GALNT13: variants seen among roughly 807,000 people sequenced by gnomAD.
GALNT13 encodes the protein UDP-GalNAc:polypeptide N-acetylgalactosaminyltransferase 13.
Under a neutral mutation model 64.2 loss-of-function variants are expected in GALNT13, and 28 were observed. The observed-to-expected ratio is 0.44, with a 90% confidence interval of 0.32 to 0.60. GALNT13 has a LOEUF of 0.60. Ranked by LOEUF, GALNT13 falls within the 20% of genes least tolerant of loss-of-function variation. The probability of loss-of-function intolerance (pLI) is 0.05; values close to 1 mark genes in which losing one functional copy is unlikely to be tolerated. For missense variants in GALNT13, 577 were observed against 669.8 expected (o/e 0.86, Z 1.53); for synonymous variants, 214 against 224.6 (o/e 0.95, Z 0.42).
the GALNT13 span, among the ~76,000 whole-genome samples, chr2:153,456,101 A>C: frequency 6.6e-6 from 1 of 152,106 alleles, no homozygotes. Flanking sequence ...TGGAATTTTT[A>C]TAGACACATG....
the GALNT13 span, among the ~76,000 whole-genome samples, chr2:153,189,769 T>C: frequency 6.6e-6 from 1 of 152,150 alleles, no homozygotes; most frequent in Non-Finnish European, 1.5e-5. Context: ...TCTGTTACTT[T>C]TGATCTTTTT....
intron 3 of GALNT13, among the ~76,000 whole-genome samples, chr2:154,040,939 G>T (rs1348743485): frequency 7.2e-6 from 1 of 139,536 alleles, no homozygotes. Flanking sequence ...CTTTTAAAGA[G>T]AACATCTGTT....
chr2:153,304,319 C>T, the GALNT13 span, among the ~76,000 whole-genome samples: 1 of 152,076 alleles, frequency 6.6e-6, no homozygotes, highest in African/African-American at 2.4e-5. Flanking sequence ...TCTGCTGAGC[C>T]TGCAGATTCC....
the GALNT13 span, among the ~76,000 whole-genome samples, chr2:153,403,239 C>T: frequency 1.3e-5 from 2 of 150,560 alleles, no homozygotes; most frequent in East Asian, 2.0e-4. Context: ...TTAGGCTGCT[C>T]GGGGGTCAGG....
At chr2:153,246,787 A>C in the GALNT13 span, among the ~76,000 whole-genome samples, 1 of 152,238 alleles carries the variant, frequency 6.6e-6, no homozygotes, top group Non-Finnish European at 1.5e-5. Flanking sequence ...GATCAAATTC[A>C]TACATAACAA....
At chr2:153,081,155 A>G in the GALNT13 span, among the ~76,000 whole-genome samples, 1 of 152,212 alleles carries the variant, frequency 6.6e-6, no homozygotes, top group East Asian at 1.9e-4. Flanking sequence ...ATTTCACTAT[A>G]TGGTATATAC....
the GALNT13 span, among the ~76,000 whole-genome samples, chr2:153,713,398 C>T: frequency 2.6e-5 from 4 of 152,280 alleles, no homozygotes; most frequent in Middle Eastern, 3.4e-3. Flanking sequence ...TTCCTTCCTC[C>T]TCACTGATGT....
the GALNT13 span, among the ~76,000 whole-genome samples, chr2:153,391,895 A>T: frequency 6.6e-6 from 1 of 151,122 alleles, no homozygotes; most frequent in Admixed American, 6.6e-5. Flanking sequence ...ATGCCGTCCA[A>T]CTAAATGGAA....
chr2:154,221,752 G>T (rs889730756), intron 4 of GALNT13, among the ~76,000 whole-genome samples: 1 of 152,000 alleles, frequency 6.6e-6, no homozygotes, highest in Non-Finnish European at 1.5e-5. Flanking sequence ...TTCTCTTTTA[G>T]AGCACAGCAA....
the GALNT13 span, among the ~76,000 whole-genome samples, chr2:153,851,313 AG>A: frequency 2.9e-4 from 44 of 152,226 alleles, no homozygotes; most frequent in African/African-American, 9.4e-4. Flanking sequence ...TCAAAAAAGT[AG>A]GCAAAATAAG....
chr2:153,202,016 C>T, the GALNT13 span, among the ~76,000 whole-genome samples: 1 of 133,640 alleles, frequency 7.5e-6, no homozygotes, highest in African/African-American at 2.7e-5. Flanking sequence ...TTCGCTCTGT[C>T]GCCCAGGCCG....
chr2:154,184,405 G>T (rs1686137645), intron 4 of GALNT13, among the ~76,000 whole-genome samples: 1 of 152,016 alleles, frequency 6.6e-6, no homozygotes, highest in South Asian at 2.1e-4. Context: ...ATTATTGATT[G>T]AGAAGGATTT....
chr2:153,993,964 A>T (rs1428744479), intron 3 of GALNT13, among the ~76,000 whole-genome samples: 1 of 151,998 alleles, frequency 6.6e-6, no homozygotes, highest in Non-Finnish European at 1.5e-5. Flanking sequence ...TGTGTACAAC[A>T]TGCAGGTTTG....
the GALNT13 span, among the ~76,000 whole-genome samples, chr2:153,295,557 T>C: frequency 6.7e-6 from 1 of 149,836 alleles, no homozygotes; most frequent in Non-Finnish European, 1.5e-5. Context: ...AATCCTGTGC[T>C]CCACCTCAGA....
chr2:154,258,754 A>G lies in GALNT13; in HGVS notation c.858-267A>G, dbSNP rs112468491. ...CTATGATTTTCAGAGGGAATATAGA[A>G]GTACCAGTCTTCCATGGCCAGTGTC... On this transcript the variant is annotated intron_variant, in intron 7 of 12. Coordinates refer to ENST00000392825, the MANE Select transcript of GALNT13 (RefSeq NM_052917.4). Among the ~76,000 whole-genome samples the G allele has an allele frequency of 4.1e-3, 621 of 152,046 alleles. 7 individuals are homozygous for G. The highest frequency in any genetic ancestry group is 0.014 in the African/African-American group (589 of 41,502).
chr2:153,539,832 C>T, the GALNT13 span, among the ~76,000 whole-genome samples: 783 of 152,140 alleles, frequency 5.1e-3, 10 homozygotes, highest in African/African-American at 0.018. Context: ...AGTGTGATGC[C>T]TCCAGCTTTG....
At position 154,225,066 on chromosome 2, in the gene GALNT13, G is replaced by T. The variant is rs113449073; in HGVS notation, c.312-16964G>T. Among the ~76,000 whole-genome samples, 1,020 of 151,296 alleles carry T rather than the reference G, an allele frequency of 6.7e-3. 9 individuals are homozygous for T. The highest frequency in any genetic ancestry group is 0.024 in the African/African-American group (986 of 41,212). ...AAAACCCTCCAACACAATAATGAAT[G>T]AAAGACTAGAAAGGACATTCACAAC... On this transcript the variant is annotated intron_variant, in intron 4 of 12. Transcript: ENST00000392825.
At chr2:153,125,408 G>T in the GALNT13 span, among the ~76,000 whole-genome samples, 8 of 152,166 alleles carry the variant, frequency 5.3e-5, no homozygotes, top group African/African-American at 1.9e-4. Flanking sequence ...GGACAAAAGC[G>T]ATGTCTTTTA....
chr2:154,098,924 T>C (rs1702207912), intron 3 of GALNT13, among the ~76,000 whole-genome samples: 1 of 152,014 alleles, frequency 6.6e-6, no homozygotes, highest in Admixed American at 6.6e-5. Context: ...TTTTTTCCTT[T>C]GGGTAGATAC....
Sources: gnomAD v4.1 joint callset for allele counts (sites outside exome capture counted in the v4.1 genomes callset) on GRCh38, gnomAD v4.1.1 for gene constraint, MANE v1.5 for transcripts, NCBI Gene and HGNC (gene_info 2026-07-23, HGNC 2026-07-21) for gene names.